Variants in TUNAR observed in about 807,000 individuals in gnomAD.
TUNAR encodes protein TUNAR.
intron 2 of TUNAR, among the ~76,000 whole-genome samples, chr14:95,880,811 G>A (rs927461979): frequency 6.6e-6 from 1 of 152,182 alleles, no homozygotes; most frequent in Non-Finnish European, 1.5e-5. Flanking sequence ...AGGCTCCCTG[G>A]TGAAGCTGCA....
chr14:95,881,955 T>C (rs1888986525), intron 2 of TUNAR, among the ~76,000 whole-genome samples: 2 of 152,240 alleles, frequency 1.3e-5, no homozygotes, highest in African/African-American at 2.4e-5. Flanking sequence ...GCCTGTGTCA[T>C]GTGAGTGACG....
chr14:95,912,939 T>C (rs59235769), intron 2 of TUNAR, among the ~76,000 whole-genome samples: 32,254 of 151,942 alleles, frequency 0.21, 4,507 homozygotes, highest in African/African-American at 0.39. Flanking sequence ...TACAGGCGCC[T>C]GCCGCCACAC....
intron 2 of TUNAR, among the ~76,000 whole-genome samples, chr14:95,897,910 G>T (rs150677023): frequency 1.3e-5 from 2 of 150,736 alleles, no homozygotes; most frequent in South Asian, 2.1e-4. Flanking sequence ...TTTTCATACC[G>T]CCTGTTCCAT....
chr14:95,924,614 TCA>T (rs1889755158), exon 3 of TUNAR: 1 of 152,242 alleles, frequency 6.6e-6, no homozygotes, highest in Non-Finnish European at 1.5e-5. Flanking sequence ...AAGGCACGTC[TCA>T]CATGGTGGCA....
At chr14:95,897,177 G>A (rs11848308) in intron 2 of TUNAR, among the ~76,000 whole-genome samples, 14,902 of 152,152 alleles carry the variant, frequency 0.098, 1,464 homozygotes, top group African/African-American at 0.25. Flanking sequence ...TTTAATCCTC[G>A]TCAGAACTTT....
At chr14:95,904,597 G>A (rs190283801) in intron 2 of TUNAR, among the ~76,000 whole-genome samples, 7 of 152,300 alleles carry the variant, frequency 4.6e-5, no homozygotes, top group Admixed American at 4.6e-4. Context: ...GTCCTAAGAG[G>A]TGGGCCACAC....
chr14:95,909,295 T>C (rs1248066209), intron 2 of TUNAR, among the ~76,000 whole-genome samples: 1 of 150,684 alleles, frequency 6.6e-6, no homozygotes, highest in African/African-American at 2.5e-5. Context: ...TTTTTTTTTT[T>C]TTTTTTGAGG....
intron 2 of TUNAR, among the ~76,000 whole-genome samples, chr14:95,897,209 G>A (rs1287196511): frequency 6.6e-6 from 1 of 152,132 alleles, no homozygotes. Flanking sequence ...GTGTGATCCA[G>A]GATTTGCATC....
exon 3 of TUNAR, chr14:95,923,084 A>G: frequency 2.5e-6 from 1 of 397,500 alleles, no homozygotes; most frequent in Non-Finnish European, 4.4e-6. Context: ...ATACCACCCA[A>G]TCAAATGCAC....
intron 2 of TUNAR, among the ~76,000 whole-genome samples, chr14:95,911,147 C>A (rs1033533884): frequency 1.3e-5 from 2 of 152,246 alleles, no homozygotes; most frequent in Non-Finnish European, 2.9e-5. Flanking sequence ...CTAGTCCCCG[C>A]TTCCCCCTCC....
intron 2 of TUNAR, among the ~76,000 whole-genome samples, chr14:95,912,558 C>T (rs901301544): frequency 1.3e-5 from 2 of 152,186 alleles, no homozygotes; most frequent in African/African-American, 4.8e-5. Context: ...AAGTTCCAGT[C>T]AACCACTTTT....
At chr14:95,881,331 C>A (rs1016388988) in intron 2 of TUNAR, among the ~76,000 whole-genome samples, 1 of 152,168 alleles carries the variant, frequency 6.6e-6, no homozygotes, top group African/African-American at 2.4e-5. Flanking sequence ...TTGGGAAAAG[C>A]TAAAAGAATT....
chr14:95,879,834 G>A (rs1450139578), intron 2 of TUNAR, among the ~76,000 whole-genome samples: 1 of 152,110 alleles, frequency 6.6e-6, no homozygotes, highest in African/African-American at 2.4e-5. Context: ...TGTATCGTAA[G>A]TAAATAACAG....
chr14:95,893,737 T>C (rs770271209), intron 2 of TUNAR, among the ~76,000 whole-genome samples: 1 of 152,172 alleles, frequency 6.6e-6, no homozygotes, highest in Non-Finnish European at 1.5e-5. Context: ...ATTTGAAAAA[T>C]GCTCATGCCC....
intron 2 of TUNAR, among the ~76,000 whole-genome samples, chr14:95,920,174 G>A (rs986601479): frequency 6.6e-6 from 1 of 152,168 alleles, no homozygotes; most frequent in Non-Finnish European, 1.5e-5. Context: ...AGGACATACT[G>A]TATGATTCCA....
chr14:95,876,539 G>A (rs1888880460), exon 1 of TUNAR: 1 of 152,562 alleles, frequency 6.6e-6, no homozygotes, highest in Admixed American at 6.5e-5. Context: ...CTTTCCCGCA[G>A]GTGCGCACTG....
chr14:95,905,923 T>C (rs1165914013), intron 2 of TUNAR, among the ~76,000 whole-genome samples: 2 of 152,262 alleles, frequency 1.3e-5, no homozygotes, highest in East Asian at 1.9e-4. Flanking sequence ...ACATTTCTTT[T>C]ATCCTGTGAT....
intron 2 of TUNAR, among the ~76,000 whole-genome samples, chr14:95,896,170 C>T (rs1247202984): frequency 1.3e-5 from 2 of 152,214 alleles, no homozygotes; most frequent in African/African-American, 4.8e-5. Context: ...TCTCACTGCA[C>T]CTACCCACCT....
chr14:95,887,085 G>A (rs1889089841), intron 2 of TUNAR, among the ~76,000 whole-genome samples: 1 of 152,232 alleles, frequency 6.6e-6, no homozygotes, highest in Non-Finnish European at 1.5e-5. Flanking sequence ...ATGGGGCTGA[G>A]TTCTCTCTTT....
Sources: allele counts gnomAD v4.1 joint callset (sites outside exome capture counted in the v4.1 genomes callset), GRCh38; gene constraint gnomAD v4.1.1; transcripts MANE v1.5; gene names NCBI Gene and HGNC (gene_info 2026-07-23, HGNC 2026-07-21).